The following ZC3H13 variants were observed in gnomAD, a reference collection of about 807,000 sequenced individuals.
ZC3H13 encodes the protein zinc finger CCCH-type containing 13.
ZC3H13 carries 64 observed loss-of-function variants against 204.1 expected under a neutral mutation model. The observed-to-expected ratio is 0.31, with a 90% CI of 0.26 to 0.39. The LOEUF is 0.39. Among genes scored for constraint, ZC3H13 ranks in the 10% least tolerant of loss-of-function variants. ZC3H13 has a pLI of 1.00. For synonymous variants in ZC3H13, 667 were observed against 693.7 expected (o/e 0.96, Z 0.60); for missense variants, 1,833 against 2,082.7 (o/e 0.88, Z 2.33).
intron 13 of ZC3H13, 77 bp downstream of exon 13, chr13:45,970,285 C>G: frequency 6.8e-7 from 1 of 1,476,610 alleles, no homozygotes. Context: ...TTCATCAGTT[C>G]CTACTAGTAT....
In ZC3H13 at chr13:46,052,554, G is replaced by C. The variant is rs148673491; in HGVS notation, c.-160C>G. On this transcript the variant is annotated 5_prime_UTR_variant, in exon 1 of 19. Coordinates refer to ENST00000679008, the MANE Select transcript of ZC3H13 (RefSeq NM_001330564.2). ...ATGCGCGCGCGGCTCCCGGGAACCG[G>C]CTCTTGGCTAGCGAGGAGCCCCCGG... 1 of 398,672 alleles carries C rather than the reference G, an allele frequency of 2.5e-6. No homozygotes were observed. The highest frequency in any genetic ancestry group is 2.1e-5 in the African/African-American group (1 of 48,626). 24.7% of individuals were successfully genotyped at this position (398,672 alleles called of 1,614,324 possible).
chr13:46,046,443 G>C (rs1448400250), intron 1 of ZC3H13, among the ~76,000 whole-genome samples: 2 of 149,894 alleles, frequency 1.3e-5, no homozygotes, highest in Non-Finnish European at 3.0e-5. Flanking sequence ...CGGATCATGA[G>C]GTCAGGAGAT....
intron 4 of ZC3H13, among the ~76,000 whole-genome samples, chr13:46,022,080 T>G (rs1433426338): frequency 6.6e-6 from 1 of 151,966 alleles, no homozygotes; most frequent in Non-Finnish European, 1.5e-5. Flanking sequence ...TAACATTTTT[T>G]ATCAGATTTA....
chr13:46,002,603 A>G (rs1209532428), intron 8 of ZC3H13, among the ~76,000 whole-genome samples: 2 of 152,172 alleles, frequency 1.3e-5, no homozygotes, highest in Non-Finnish European at 2.9e-5. Context: ...AAGGAAGGAA[A>G]TCCTGTCACA....
rs773431373 is a variant in ZC3H13, at chr13:45,963,912, T to C, written c.4605A>G (p.Lys1535=). 6.2e-7 allele frequency: 1 copy of C among 1,614,140 alleles called. No individual in the cohort carries two copies. Among genetic ancestry groups the C allele is most frequent in the South Asian group, 1.1e-5 (1 of 91,080 alleles). ...GAVMLRVGIS[K]KLAGSELFAK... ...CAAAGAGTTCAGAACCTGCCAACTT[T>C]TTAGAAATCCCAACTCTTAGCATAA... Residue 1535 remains lysine (K), a synonymous_variant, in exon 17 of 19, where the codon AAA becomes AAG. Transcript: ENST00000679008.
At chr13:45,980,110 A>G (rs1953427527) in intron 10 of ZC3H13, 106 bp from the exon 11 acceptor site, 1 of 1,000,968 alleles carries the variant, frequency 1.0e-6, no homozygotes, top group Non-Finnish European at 1.4e-6. Context: ...TATATTTAAT[A>G]TTCCAAAGTG....
chr13:45,996,377 C>A (rs575010326), intron 8 of ZC3H13, among the ~76,000 whole-genome samples: 1 of 152,292 alleles, frequency 6.6e-6, no homozygotes, highest in East Asian at 1.9e-4. Context: ...TACATCTCTT[C>A]TAAACAATTT....
chr13:46,013,308 G>A (rs2041695143), intron 5 of ZC3H13, among the ~76,000 whole-genome samples: 1 of 152,044 alleles, frequency 6.6e-6, no homozygotes, highest in African/African-American at 2.4e-5. Flanking sequence ...CAGCTACTCA[G>A]GAGTCAGAGG....
chr13:45,990,215 A>T (rs1379813821), intron 8 of ZC3H13, among the ~76,000 whole-genome samples: 1 of 152,158 alleles, frequency 6.6e-6, no homozygotes, highest in Admixed American at 6.5e-5. Context: ...CATCCCTCCC[A>T]TTCCAAGTTA....
At position 45,957,165 on chromosome 13, in the gene ZC3H13, A is replaced by T; in HGVS notation, c.4972T>A (p.Ser1658Thr). ...AGTTCCTGTTGGATACTGGACTGTG[A>T]AAGTTTATTATCTTCAGTCTTTTCA... ...GHEKTEDNKL[S>T]QSSIQQELCV... Residue 1658 changes from serine to threonine, a missense_variant, in exon 19 of 19, where the codon TCA becomes ACA. By Grantham distance (58) the Ser-to-Thr change is moderately conservative. Around this residue, in one of 5 missense-constraint regions of ZC3H13, gnomAD observed 211 missense variants for 228.4 expected, o/e 0.92. Transcript: ENST00000679008. 1 of 1,546,930 alleles carries T rather than the reference A, an allele frequency of 6.5e-7. No homozygotes were observed. Among genetic ancestry groups the T allele is most frequent in the Non-Finnish European group, 8.7e-7 (1 of 1,145,104 alleles).
intron 5 of ZC3H13, 34 bp from the exon 6 acceptor site, chr13:46,011,588 A>G (rs1325714573): frequency 1.4e-5 from 21 of 1,502,510 alleles, no homozygotes; most frequent in Non-Finnish European, 1.9e-5. Flanking sequence ...GTTAGAAACT[A>G]GCATAATTAT....
rs150550445 is a variant in ZC3H13, at chr13:45,982,440, G to A, written c.1721-2436C>T. ...AAGAGATGAAAAATTTGAAAGTTAA[G>A]AATGAAAGAAGATACAATGAGGAGA... On this transcript the variant is annotated intron_variant, in intron 10 of 18. Coordinates refer to ENST00000679008, the MANE Select transcript of ZC3H13 (RefSeq NM_001330564.2). Among the ~76,000 whole-genome samples the A allele has an allele frequency of 1.1e-3, 174 of 151,976 alleles. 1 individual carries two copies. The highest frequency in any genetic ancestry group is 1.5e-3 in the Non-Finnish European group (102 of 67,950).
chr13:46,027,487 T>A (rs1404055076), intron 4 of ZC3H13, among the ~76,000 whole-genome samples: 2 of 152,232 alleles, frequency 1.3e-5, no homozygotes, highest in Non-Finnish European at 2.9e-5. Context: ...CTGAAATTTC[T>A]AGAAAAATAC....
At chr13:45,967,417 G>A (rs1952184506) in intron 15 of ZC3H13, 87 bp downstream of exon 15, 1 of 1,447,740 alleles carries the variant, frequency 6.9e-7, no homozygotes, top group Admixed American at 2.5e-5. Flanking sequence ...GCCCATTAGT[G>A]GGTGCCCTTT....
At chr13:45,967,377 C>T in intron 15 of ZC3H13, 127 bp downstream of exon 15, 1 of 1,078,864 alleles carries the variant, frequency 9.3e-7, no homozygotes, top group Non-Finnish European at 1.3e-6. Context: ...TCTACTTCCT[C>T]TATAGAAGAA....
intron 8 of ZC3H13, among the ~76,000 whole-genome samples, chr13:45,997,567 G>A (rs993571710): frequency 6.6e-6 from 1 of 152,156 alleles, no homozygotes; most frequent in African/African-American, 2.4e-5. Context: ...GGACAACTGA[G>A]ACACAATTAT....
intron 8 of ZC3H13, chr13:46,001,051 A>G (rs2040706631): frequency 6.6e-6 from 1 of 152,222 alleles, no homozygotes; most frequent in Non-Finnish European, 1.5e-5. Context: ...ACCCCAGAAC[A>G]ATTACAATGG....
intron 17 of ZC3H13, chr13:45,963,569 T>G: frequency 8.5e-7 from 1 of 1,182,308 alleles, no homozygotes; most frequent in South Asian, 1.9e-5. Context: ...ACTACAGACA[T>G]GCAACACCAC....
Position 46,044,424 on chromosome 13 carries a change from T to G in ZC3H13, c.227+531A>C, listed in dbSNP as rs535996579. ...AAGTTTAATCTAGCCAAGCCTTTAT[T>G]AAAGGCAAAACGATGTTCGAAATAT... On this transcript the variant is annotated intron_variant, in intron 3 of 18. Coordinates refer to ENST00000679008, the MANE Select transcript of ZC3H13 (RefSeq NM_001330564.2). 2.6e-5 allele frequency among the ~76,000 whole-genome samples: 4 copies of G among 152,142 alleles called. No individual in the cohort carries two copies. In the South Asian group the frequency reaches 8.3e-4, roughly 32 times the overall value.
Sources: allele counts gnomAD v4.1 joint callset (sites outside exome capture counted in the v4.1 genomes callset), GRCh38; gene constraint gnomAD v4.1.1; regional missense constraint gnomAD v4.1.1; transcripts MANE v1.5; gene names NCBI Gene and HGNC (gene_info 2026-07-23, HGNC 2026-07-21).